Variants in RBFOX3 observed in about 807,000 individuals in gnomAD.
RBFOX3 encodes the protein RNA binding protein fox-1 homolog 3.
RBFOX3 carries 17 observed loss-of-function variants against 48.7 expected under a neutral mutation model. That is an observed-to-expected ratio of 0.35 (90% CI 0.24 to 0.52). The LOEUF (loss-of-function observed/expected upper bound fraction) is 0.52, where lower values mean the gene tolerates loss of function less well. RBFOX3 is among the 20% of genes least tolerant of loss of function. The pLI is 0.94. For missense variants in RBFOX3, 382 were observed against 497.5 expected (o/e 0.77, Z 2.21); for synonymous variants, 212 against 209.5 (o/e 1.01, Z -0.10).
chr17:79,463,603 C>T lies in RBFOX3; in HGVS notation c.-175+18851G>A, dbSNP rs375336110. Among the ~76,000 whole-genome samples the T allele has an allele frequency of 1.2e-3, 168 of 143,802 alleles. 1 individual carries two copies. In the South Asian group the frequency reaches 0.026, roughly 22 times the overall value. 94.3% of individuals were successfully genotyped at this position (143,802 alleles called of 152,430 possible). A position where few individuals can be genotyped will look rare whatever the true frequency, so the allele number is the denominator to read the frequency against. On this transcript the variant is annotated intron_variant, in intron 2 of 14. Coordinates refer to ENST00000693108, the MANE Select transcript of RBFOX3 (RefSeq NM_001350451.2). ...CTGCCACCGCCACCTCCACCACCATCGCCACCTCCACCGCCATCGCCACCG... is the reference window on the plus strand; with the variant it reads ...CTGCCACCGCCACCTCCACCACCATTGCCACCTCCACCGCCATCGCCACCG...
chr17:79,225,764 G>T (rs1259066473), intron 4 of RBFOX3, among the ~76,000 whole-genome samples: 2 of 152,222 alleles, frequency 1.3e-5, no homozygotes, highest in African/African-American at 4.8e-5. Flanking sequence ...GTCCACAAAT[G>T]TGTGTGAGGT....
chr17:79,420,174 C>CACACACACAA (rs1555721368), intron 2 of RBFOX3, among the ~76,000 whole-genome samples: 3 of 79,738 alleles, frequency 3.8e-5, no homozygotes, highest in African/African-American at 1.3e-4. Context: ...CACACACACA[C>CACACACACAA]AAAAGATGGT....
chr17:79,433,426 A>T (rs1171211628), intron 2 of RBFOX3, among the ~76,000 whole-genome samples: 1 of 152,202 alleles, frequency 6.6e-6, no homozygotes, highest in Non-Finnish European at 1.5e-5. Flanking sequence ...CCTCCCATGG[A>T]AGCAAGTGTA....
At chr17:79,646,083 G>A in the RBFOX3 span, among the ~76,000 whole-genome samples, 6 of 151,986 alleles carry the variant, frequency 3.9e-5, no homozygotes, top group Non-Finnish European at 7.4e-5. Context: ...AGTGGGCTTC[G>A]GGATCTTGTA....
chr17:79,265,215 A>G (rs1202491075), intron 3 of RBFOX3, among the ~76,000 whole-genome samples: 2 of 152,218 alleles, frequency 1.3e-5, no homozygotes, highest in Admixed American at 1.3e-4. Flanking sequence ...GAATGCTGGA[A>G]ATGAAACCAG....
intron 3 of RBFOX3, among the ~76,000 whole-genome samples, chr17:79,277,557 C>A (rs1257854859): frequency 6.6e-6 from 1 of 152,224 alleles, no homozygotes; most frequent in African/African-American, 2.4e-5. Flanking sequence ...TTACAGCCGA[C>A]GCGGTATGTT....
At chr17:79,092,356 C>T (rs766228546) in intron 14 of RBFOX3, 6 of 985,464 alleles carry the variant, frequency 6.1e-6, no homozygotes, top group South Asian at 9.4e-5. Flanking sequence ...TAGGAAATCA[C>T]GGTTGCAGAC....
At chr17:79,258,252 A>C (rs1228488239) in intron 3 of RBFOX3, among the ~76,000 whole-genome samples, 2 of 152,228 alleles carry the variant, frequency 1.3e-5, no homozygotes, top group African/African-American at 4.8e-5. Flanking sequence ...GGAGCACCAC[A>C]CTGACAGGCA....
intron 2 of RBFOX3, among the ~76,000 whole-genome samples, chr17:79,322,539 C>A (rs753019442): frequency 3.9e-5 from 6 of 152,196 alleles, no homozygotes; most frequent in Non-Finnish European, 7.3e-5. Context: ...GCTGGAGAAG[C>A]TCGCTTTCAC....
chr17:79,117,056 C>T (rs1444328656), intron 4 of RBFOX3, among the ~76,000 whole-genome samples: 1 of 152,222 alleles, frequency 6.6e-6, no homozygotes, highest in African/African-American at 2.4e-5. Context: ...TGCCAGAGAG[C>T]AAGGTGCAGG....
chr17:79,371,705 C>T (rs1409183775), intron 2 of RBFOX3, among the ~76,000 whole-genome samples: 1 of 152,076 alleles, frequency 6.6e-6, no homozygotes, highest in East Asian at 1.9e-4. Context: ...TTCCTCTTCT[C>T]GAAAATGTGG....
At chr17:79,315,855 C>CG (rs2077471228) in intron 2 of RBFOX3, among the ~76,000 whole-genome samples, 2 of 152,194 alleles carry the variant, frequency 1.3e-5, no homozygotes, top group South Asian at 4.1e-4. Context: ...AATAAGGCCA[C>CG]GCGGAAGGGG....
In RBFOX3 at chr17:79,477,777, A is replaced by G. The variant is rs558669127; in HGVS notation, c.-175+4677T>C. Among the ~76,000 whole-genome samples, 10 of 152,366 alleles carry G rather than the reference A, an allele frequency of 6.6e-5. No homozygotes were observed. In the South Asian group the frequency reaches 1.4e-3, roughly 22 times the overall value. Reference sequence around the variant, plus strand: ...CATCCTTCCTAAATATTTTCCAAATACATTTCTTAATAGAAAAGGAATCAC... The same window carrying G: ...CATCCTTCCTAAATATTTTCCAAATGCATTTCTTAATAGAAAAGGAATCAC... On this transcript the variant is annotated intron_variant, in intron 2 of 14. Coordinates refer to ENST00000693108, the MANE Select transcript of RBFOX3 (RefSeq NM_001350451.2). This position sits in a 1 kb window ranked among gnomAD's most constrained non-coding sequence, Gnocchi z 4.8.
intron 4 of RBFOX3, among the ~76,000 whole-genome samples, chr17:79,130,163 C>T (rs1476946412): frequency 1.3e-5 from 2 of 152,168 alleles, no homozygotes; most frequent in South Asian, 2.1e-4. Flanking sequence ...TTAGGGCTGT[C>T]GGACGCCCCG....
chr17:79,406,248 T>C (rs2063517869), intron 2 of RBFOX3, among the ~76,000 whole-genome samples: 1 of 149,940 alleles, frequency 6.7e-6, no homozygotes, highest in South Asian at 2.1e-4. Flanking sequence ...ACAAGCAAAC[T>C]CTCTTTTTGC....
At chr17:79,525,499 C>T (rs1439608492) in intron 1 of RBFOX3, among the ~76,000 whole-genome samples, 4 of 152,162 alleles carry the variant, frequency 2.6e-5, no homozygotes, top group African/African-American at 9.7e-5. Context: ...CCAGTCTTCC[C>T]GGAGGGGCCA....
intron 3 of RBFOX3, among the ~76,000 whole-genome samples, chr17:79,259,588 C>T (rs2065409066): frequency 6.6e-6 from 1 of 152,194 alleles, no homozygotes; most frequent in Non-Finnish European, 1.5e-5. Flanking sequence ...ATGGCGTTGC[C>T]TGGGACCGCA....
chr17:79,092,818 A>C (rs1424678464), intron 14 of RBFOX3, among the ~76,000 whole-genome samples: 5 of 152,238 alleles, frequency 3.3e-5, no homozygotes, highest in South Asian at 2.1e-4. Flanking sequence ...GAAGAGTAGG[A>C]CCTGCCTCTG....
rs547840934 is a variant in RBFOX3 at position 79,282,219 on chromosome 17, C to G, written c.-74+25505G>C. ...GAGGTGGTGGAAGGAGACTTTCCCA[C>G]AAACGAATCCATGAGAAGGTTGATT... On this transcript the variant is annotated intron_variant, in intron 3 of 14. Transcript: ENST00000693108. Among the ~76,000 whole-genome samples the G allele has an allele frequency of 5.9e-5, 9 of 152,202 alleles. No individual in the cohort carries two copies. The South Asian group carries it at 1.0e-3, about 18-fold the overall frequency.
Sources: gnomAD v4.1 joint callset for allele counts (sites outside exome capture counted in the v4.1 genomes callset) on GRCh38, gnomAD v4.1.1 for gene constraint, Gnocchi (gnomAD v3.1) non-coding constraint, MANE v1.5 for transcripts, NCBI Gene and HGNC (gene_info 2026-07-23, HGNC 2026-07-21) for gene names.